Variants in MAPK8 observed in about 807,000 individuals in gnomAD.
The protein encoded by MAPK8 is JUN N-terminal kinase.
In MAPK8, 13 loss-of-function variants were observed where a neutral mutation model predicts 52.9. That is an observed-to-expected ratio of 0.25 (90% CI 0.16 to 0.39). The LOEUF is 0.39. Ranked by LOEUF, MAPK8 falls within the 10% of genes least tolerant of loss-of-function variation. The pLI, the probability that MAPK8 is intolerant of heterozygous loss-of-function variation, is 1.00. For synonymous variants in MAPK8, 191 were observed against 169.8 expected (o/e 1.12, Z -0.97); for missense variants, 300 against 519.2 (o/e 0.58, Z 4.10).
intron 1 of MAPK8, among the ~76,000 whole-genome samples, chr10:48,317,032 A>G (rs772023323): frequency 6.6e-6 from 1 of 152,156 alleles, no homozygotes; most frequent in Middle Eastern, 3.2e-3. Flanking sequence ...CAGCAACCCT[A>G]CAAGGTGGGC....
At chr10:48,333,895 C>G (rs1844399825) in intron 1 of MAPK8, among the ~76,000 whole-genome samples, 1 of 152,232 alleles carries the variant, frequency 6.6e-6, no homozygotes, top group African/African-American at 2.4e-5. Flanking sequence ...AGTCACAGCT[C>G]CCAAATCTGG....
intron 1 of MAPK8, among the ~76,000 whole-genome samples, chr10:48,373,571 CAAAAAAA>C (rs539162576): frequency 2.2e-3 from 37 of 16,844 alleles, no homozygotes; most frequent in Admixed American, 5.0e-3. Context: ...AAATTGAAAG[CAAAAAAA>C]AAAAAAAAAA....
At chr10:48,314,223 C>T (rs1456590628) in intron 1 of MAPK8, among the ~76,000 whole-genome samples, 1 of 152,076 alleles carries the variant, frequency 6.6e-6, no homozygotes, top group Non-Finnish European at 1.5e-5. Context: ...AGGTGGCCGG[C>T]TTCTGGATGT....
chr10:48,342,413 AT>A (rs2132347994), intron 1 of MAPK8, among the ~76,000 whole-genome samples: 1 of 152,290 alleles, frequency 6.6e-6, no homozygotes, highest in South Asian at 2.1e-4. Context: ...CCATAATTTT[AT>A]TTTTTATAAA....
At chr10:48,397,155 C>CTT (rs200191115) in intron 1 of MAPK8, among the ~76,000 whole-genome samples, 6 of 144,262 alleles carry the variant, frequency 4.2e-5, no homozygotes, top group African/African-American at 7.6e-5. Flanking sequence ...TTTGTATAAC[C>CTT]TTTTTTTTTT....
chr10:48,359,238 G>A (rs936810693), intron 1 of MAPK8, among the ~76,000 whole-genome samples: 2 of 151,868 alleles, frequency 1.3e-5, no homozygotes, highest in Admixed American at 6.6e-5. Flanking sequence ...TTAAAAATAC[G>A]CATTTTAAGT....
rs1244719546 is a variant in MAPK8 at position 48,438,494 on chromosome 10, G to T, written c.*3465G>T. On this transcript the variant is annotated 3_prime_UTR_variant, in exon 12 of 12. Transcript: ENST00000374189. ...TGCTCTTAAGGAGAGTCTAGTAACAGTAACACTTTCTGGCCATTTCTAGTT... is the reference window on the plus strand; with the variant it reads ...TGCTCTTAAGGAGAGTCTAGTAACATTAACACTTTCTGGCCATTTCTAGTT... 2 of 152,186 alleles carry T rather than the reference G, an allele frequency of 1.3e-5. No individual in the cohort carries two copies. Among genetic ancestry groups the T allele is most frequent in the Non-Finnish European group, 2.9e-5 (2 of 68,026 alleles). The allele number at this position is 152,186 out of a possible 1,614,324, so 9.4% of individuals were successfully genotyped here.
chr10:48,308,867 A>G (rs116051799), intron 1 of MAPK8, among the ~76,000 whole-genome samples: 34 of 152,378 alleles, frequency 2.2e-4, no homozygotes, highest in African/African-American at 8.2e-4. Context: ...TAATTGATTT[A>G]TCGAAGTTAA....
chr10:48,329,912 G>A (rs944037223), intron 1 of MAPK8, among the ~76,000 whole-genome samples: 20 of 152,192 alleles, frequency 1.3e-4, no homozygotes, highest in Admixed American at 8.5e-4. Context: ...CTGATGAGAG[G>A]AAGAGAGCAA....
chr10:48,388,305 T>C (rs2041431182), intron 1 of MAPK8, among the ~76,000 whole-genome samples: 1 of 152,182 alleles, frequency 6.6e-6, no homozygotes, highest in South Asian at 2.1e-4. Flanking sequence ...TAAGTAGGTT[T>C]ATGATAAAAC....
chr10:48,357,456 A>G (rs1847089593), intron 1 of MAPK8, among the ~76,000 whole-genome samples: 1 of 152,168 alleles, frequency 6.6e-6, no homozygotes, highest in Non-Finnish European at 1.5e-5. Context: ...GTGCGGTGGC[A>G]TGATCCAGGC....
intron 1 of MAPK8, among the ~76,000 whole-genome samples, chr10:48,344,386 A>T (rs1178816972): frequency 6.6e-6 from 1 of 152,204 alleles, no homozygotes; most frequent in Non-Finnish European, 1.5e-5. Context: ...GATGGTTGCC[A>T]GATTGGCCAT....
intron 11 of MAPK8, among the ~76,000 whole-genome samples, chr10:48,432,751 A>G (rs1220548268): frequency 6.6e-6 from 1 of 152,224 alleles, no homozygotes; most frequent in East Asian, 1.9e-4. Flanking sequence ...TTAATTTGTA[A>G]GTGAATAATT....
intron 1 of MAPK8, among the ~76,000 whole-genome samples, chr10:48,355,187 A>T (rs1283427112): frequency 1.3e-5 from 2 of 152,218 alleles, no homozygotes; most frequent in Non-Finnish European, 2.9e-5. Flanking sequence ...TATACAATTG[A>T]AAATTATAGT....
At chr10:48,377,955 T>C (rs943395897) in intron 1 of MAPK8, among the ~76,000 whole-genome samples, 2 of 152,150 alleles carry the variant, frequency 1.3e-5, no homozygotes, top group African/African-American at 2.4e-5. Context: ...GTCTAGAGCT[T>C]GAATAGCAAG....
In MAPK8 at chr10:48,435,045, GGGGGTGGGA is replaced by G; in HGVS notation, c.*20_*28del. On this transcript the variant is annotated 3_prime_UTR_variant, in exon 12 of 12. Coordinates refer to ENST00000374189, the MANE Select transcript of MAPK8 (RefSeq NM_001323329.2). ...CTGTAGATGACTACTTGGGCCATCG[GGGGGTGGGA>G]GGGATGGGGAGTCGGTTAGTCATTG... 1 of 1,505,150 alleles carries G rather than the reference GGGGGTGGGA, an allele frequency of 6.6e-7. No individual in the cohort carries two copies. Among genetic ancestry groups the G allele is most frequent in the Non-Finnish European group, 9.0e-7 (1 of 1,110,440 alleles). 93.2% of individuals were successfully genotyped at this position (1,505,150 alleles called of 1,614,324 possible).
chr10:48,400,056 G>C (rs1485827695), intron 1 of MAPK8, among the ~76,000 whole-genome samples: 3 of 152,174 alleles, frequency 2.0e-5, no homozygotes, highest in Non-Finnish European at 4.4e-5. Flanking sequence ...TTTCACTACT[G>C]TAGTAGGTAA....
intron 1 of MAPK8, among the ~76,000 whole-genome samples, chr10:48,334,319 G>T (rs1231392040): frequency 6.6e-6 from 1 of 151,598 alleles, no homozygotes; most frequent in Non-Finnish European, 1.5e-5. Context: ...CTCCCCAACT[G>T]GAGGTTTCTT....
Position 48,435,052 on chromosome 10 carries a change from G to GGGGTGTTTTTTTT in MAPK8, c.*24_*25insGGTGTTTTTTTTG. On this transcript the variant is annotated 3_prime_UTR_variant, in exon 12 of 12. Transcript: ENST00000374189. ...TGACTACTTGGGCCATCGGGGGGTG[G>GGGGTGTTTTTTTT]GAGGGATGGGGAGTCGGTTAGTCAT... 7.1e-7 allele frequency: 1 copy of GGGGTGTTTTTTTT among 1,412,462 alleles called. No homozygotes were observed. The allele number at this position is 1,412,462 out of a possible 1,614,324, so 87.5% of individuals were successfully genotyped here.
Sources: allele counts gnomAD v4.1 joint callset (sites outside exome capture counted in the v4.1 genomes callset), GRCh38; gene constraint gnomAD v4.1.1; transcripts MANE v1.5; gene names NCBI Gene and HGNC (gene_info 2026-07-23, HGNC 2026-07-21).